The following CABLES1 variants were observed in gnomAD, a reference collection of about 807,000 sequenced individuals.
CABLES1 encodes the protein CDK5 and ABL1 enzyme substrate 1.
In CABLES1, 36 loss-of-function variants were observed where a neutral mutation model predicts 57.8. The ratio of observed to expected loss-of-function variants is 0.62; its 90% confidence interval spans 0.48 to 0.82. CABLES1 has a LOEUF of 0.82. Ranked by LOEUF, CABLES1 falls within the 40% of genes least tolerant of loss-of-function variation. The pLI, the probability that CABLES1 is intolerant of heterozygous loss-of-function variation, is 0.00. For missense variants in CABLES1, 767 were observed against 836.6 expected, an observed-to-expected ratio of 0.92 and a Z score of 1.03; for synonymous variants, 374 against 363.0, an observed-to-expected ratio of 1.03 and a Z score of -0.35.
Position 23,171,584 on chromosome 18 carries a change from CT to C in CABLES1, c.846-17252del, listed in dbSNP as rs369715434. 3.3e-5 allele frequency among the ~76,000 whole-genome samples: 5 copies of C among 152,168 alleles called. No individual in the cohort carries two copies. The South Asian group carries it at 1.0e-3, about 32-fold the overall frequency. ...TTTTGATAAAGTGGTGGTATTTCTC[CT>C]TGAGATCTTTAGGAATCTGCCTGTT... On this transcript the variant is annotated intron_variant, in intron 1 of 9. Transcript: ENST00000256925.
At chr18:23,204,048 T>C (rs760293445) in intron 3 of CABLES1, among the ~76,000 whole-genome samples, 2 of 152,194 alleles carry the variant, frequency 1.3e-5, no homozygotes, top group Non-Finnish European at 2.9e-5. Flanking sequence ...TCCCCAGACC[T>C]CACTGGGGCT....
chr18:23,213,057 G>A (rs1170516016), intron 3 of CABLES1, among the ~76,000 whole-genome samples: 2 of 152,184 alleles, frequency 1.3e-5, no homozygotes, highest in African/African-American at 2.4e-5. Context: ...GGCCTGGTTT[G>A]CCGTGCCAGG....
intron 3 of CABLES1, among the ~76,000 whole-genome samples, chr18:23,201,992 C>T (rs564528501): frequency 9.9e-5 from 15 of 151,982 alleles, no homozygotes; most frequent in East Asian, 1.9e-4. Context: ...GCGGAAGGGC[C>T]GGGGTGTGTT....
At chr18:23,237,536 C>G (rs1285206684) in intron 7 of CABLES1, among the ~76,000 whole-genome samples, 1 of 152,218 alleles carries the variant, frequency 6.6e-6, no homozygotes, top group East Asian at 1.9e-4. Context: ...TATACCTCCA[C>G]AAACCCCCGT....
At chr18:23,174,825 T>C (rs1314052641) in intron 1 of CABLES1, among the ~76,000 whole-genome samples, 1 of 35,704 alleles carries the variant, frequency 2.8e-5, no homozygotes, top group African/African-American at 1.2e-4. Flanking sequence ...TTACACCATA[T>C]ATATATATAT....
intron 2 of CABLES1, among the ~76,000 whole-genome samples, chr18:23,190,125 A>T (rs752193839): frequency 2.0e-5 from 3 of 152,192 alleles, no homozygotes; most frequent in Non-Finnish European, 2.9e-5. Flanking sequence ...GGAGAAGGCC[A>T]TTTCCCTGCA....
rs2117241 is a variant in CABLES1 at position 23,250,770 on chromosome 18, G to A, written c.1447-2190G>A. Among the ~76,000 whole-genome samples, 264 of 152,346 alleles carry A rather than the reference G, an allele frequency of 1.7e-3. 1 individual carries two copies. Among genetic ancestry groups the A allele is most frequent in the African/African-American group, 5.9e-3 (245 of 41,584 alleles). ...TGGGCCAGAAAGACTATGTATCAGA[G>A]GAGGAAGAAGTGGCATTGCATCCAC... On this transcript the variant is annotated intron_variant, in intron 7 of 9. Coordinates refer to ENST00000256925, the MANE Select transcript of CABLES1 (RefSeq NM_001100619.3).
At chr18:23,220,431 C>A (rs1489931502) in intron 4 of CABLES1, among the ~76,000 whole-genome samples, 1 of 152,060 alleles carries the variant, frequency 6.6e-6, no homozygotes, top group Non-Finnish European at 1.5e-5. Context: ...AAAGGCTTAG[C>A]AACTGCCCAA....
intron 4 of CABLES1, among the ~76,000 whole-genome samples, chr18:23,233,452 C>T (rs1019596423): frequency 5.9e-5 from 9 of 152,322 alleles, no homozygotes; most frequent in Middle Eastern, 3.4e-3. Context: ...TCAGTTTCCT[C>T]CTCTGTAAAT....
Position 23,156,150 on chromosome 18 carries a change from G to C in CABLES1, c.845+19543G>C, listed in dbSNP as rs45590739. 6.4e-3 allele frequency among the ~76,000 whole-genome samples: 969 copies of C among 152,278 alleles called. 8 individuals are homozygous for C. Among genetic ancestry groups the C allele is most frequent in the African/African-American group, 0.022 (923 of 41,528 alleles). On this transcript the variant is annotated intron_variant, in intron 1 of 9. Coordinates refer to ENST00000256925, the MANE Select transcript of CABLES1 (RefSeq NM_001100619.3). ...TGGCATGAGGTCATCTGGAACAGAG[G>C]GGGGGCTCCATGGAGGGTCCTCCAG...
intron 7 of CABLES1, among the ~76,000 whole-genome samples, chr18:23,246,691 A>G (rs1285197134): frequency 1.3e-5 from 2 of 150,742 alleles, no homozygotes; most frequent in Admixed American, 1.3e-4. Context: ...GCACCCGGCC[A>G]GTTTTTTCGT....
chr18:23,150,987 C>T (rs770450102), intron 1 of CABLES1, among the ~76,000 whole-genome samples: 2 of 147,902 alleles, frequency 1.4e-5, no homozygotes, highest in Admixed American at 6.8e-5. Context: ...TATTAGAAGC[C>T]GCTGGGGAGC....
chr18:23,247,250 A>G (rs2047919599), intron 7 of CABLES1, among the ~76,000 whole-genome samples: 1 of 152,208 alleles, frequency 6.6e-6, no homozygotes, highest in Non-Finnish European at 1.5e-5. Flanking sequence ...CCGGAGAATC[A>G]TGACCTCCTG....
intron 7 of CABLES1, among the ~76,000 whole-genome samples, chr18:23,246,461 G>T (rs1013100590): frequency 7.2e-5 from 11 of 151,778 alleles, no homozygotes; most frequent in Admixed American, 3.9e-4. Flanking sequence ...GCAAGATCTT[G>T]GCTCACTGCA....
intron 1 of CABLES1, among the ~76,000 whole-genome samples, chr18:23,139,944 C>T (rs569023118): frequency 5.9e-5 from 9 of 152,282 alleles, no homozygotes; most frequent in African/African-American, 1.9e-4. Context: ...ATTTGTTATC[C>T]TCCCAAATTT....
intron 4 of CABLES1, among the ~76,000 whole-genome samples, chr18:23,233,937 C>T (rs937137290): frequency 2.6e-5 from 4 of 152,164 alleles, no homozygotes; most frequent in Admixed American, 2.6e-4. Context: ...AGAACCCAGG[C>T]TGGCTGCTGT....
intron 7 of CABLES1, among the ~76,000 whole-genome samples, chr18:23,248,187 T>C (rs1568090984): frequency 6.6e-6 from 1 of 152,180 alleles, no homozygotes; most frequent in Admixed American, 6.5e-5. Context: ...TCAGGGAGTG[T>C]GGCGCAGGGG....
chr18:23,180,142 C>T lies in CABLES1; in HGVS notation c.846-8696C>T, dbSNP rs530135201. ...TTCGCCGTGTTAGCCAGGATGGTCT[C>T]GATCTCCTGACCTCGTGATCCACCC... On this transcript the variant is annotated intron_variant, in intron 1 of 9. Transcript: ENST00000256925. Among the ~76,000 whole-genome samples the T allele has an allele frequency of 4.6e-5, 7 of 152,162 alleles. No homozygotes were observed. In the East Asian group the frequency reaches 7.7e-4, roughly 17 times the overall value.
At chr18:23,208,877 C>T (rs1032097440) in intron 3 of CABLES1, among the ~76,000 whole-genome samples, 17 of 152,228 alleles carry the variant, frequency 1.1e-4, no homozygotes, top group African/African-American at 4.1e-4. Context: ...CTTGTAGCTG[C>T]ATCACTTCCA....
Sources: allele counts gnomAD v4.1 joint callset (sites outside exome capture counted in the v4.1 genomes callset), GRCh38; gene constraint gnomAD v4.1.1; transcripts MANE v1.5; gene names NCBI Gene and HGNC (gene_info 2026-07-23, HGNC 2026-07-21).